Variants in CDK6 observed in about 807,000 individuals in gnomAD.
CDK6 encodes the protein cyclin dependent kinase 6.
In CDK6, 6 loss-of-function variants were observed where a neutral mutation model predicts 37.1. The ratio of observed to expected loss-of-function variants is 0.16; its 90% CI spans 0.09 to 0.32. CDK6 has a LOEUF of 0.32. Ranked by LOEUF, CDK6 falls within the 10% of genes least tolerant of loss-of-function variation. The pLI is 1.00. For missense variants in CDK6, 224 were observed against 418.9 expected, an observed-to-expected ratio of 0.53 and a Z score of 4.06; for synonymous variants, 160 against 161.3, an observed-to-expected ratio of 0.99 and a Z score of 0.06.
intron 4 of CDK6, among the ~76,000 whole-genome samples, chr7:92,717,221 T>C (rs1798248793): frequency 6.6e-6 from 1 of 151,176 alleles, no homozygotes; most frequent in Non-Finnish European, 1.5e-5. Context: ...TGTGAACCTG[T>C]AGTCCTACTA....
At chr7:92,783,209 C>T (rs1800040130) in intron 2 of CDK6, among the ~76,000 whole-genome samples, 2 of 152,118 alleles carry the variant, frequency 1.3e-5, no homozygotes, top group South Asian at 4.2e-4. Flanking sequence ...TAGAAAAGAA[C>T]TCAATGGTAA....
rs1054993536 is a variant in CDK6 at position 92,788,859 on chromosome 7, G to A, written c.234-14028C>T. Among the ~76,000 whole-genome samples, 3 of 152,168 alleles carry A rather than the reference G, an allele frequency of 2.0e-5. No homozygotes were observed. In the South Asian group the frequency reaches 6.2e-4, roughly 32 times the overall value. ...CAGCCAGGCATGGTGGCTCATGCAT[G>A]TAATCTCAACACTTTGGGAGGCCTA... is the stretch of plus-strand genomic sequence containing the variant. On this transcript the variant is annotated intron_variant, in intron 2 of 7. Transcript: ENST00000424848.
chr7:92,819,129 C>A (rs1801106430), intron 2 of CDK6, among the ~76,000 whole-genome samples: 1 of 152,026 alleles, frequency 6.6e-6, no homozygotes, highest in Non-Finnish European at 1.5e-5. Context: ...TTCACAACAG[C>A]CTTATTTATA....
At chr7:92,694,963 A>T (rs1797675128) in intron 4 of CDK6, among the ~76,000 whole-genome samples, 1 of 152,186 alleles carries the variant, frequency 6.6e-6, no homozygotes, top group Non-Finnish European at 1.5e-5. Flanking sequence ...GACTGAAATT[A>T]CTTATAGACA....
At chr7:92,748,454 C>T (rs956695311) in intron 3 of CDK6, among the ~76,000 whole-genome samples, 1 of 152,186 alleles carries the variant, frequency 6.6e-6, no homozygotes, top group Non-Finnish European at 1.5e-5. Flanking sequence ...AGTTGAAAAG[C>T]ACATGGACGT....
chr7:92,825,321 T>C (rs1028447023), intron 2 of CDK6, among the ~76,000 whole-genome samples: 3 of 152,128 alleles, frequency 2.0e-5, no homozygotes, highest in Non-Finnish European at 2.9e-5. Context: ...ATGGCGCATA[T>C]TCTGTCATTT....
intron 5 of CDK6, among the ~76,000 whole-genome samples, chr7:92,666,428 G>A (rs1015113384): frequency 6.6e-6 from 1 of 152,206 alleles, no homozygotes; most frequent in Non-Finnish European, 1.5e-5. Flanking sequence ...TTTCCAACAT[G>A]TGACATATTA....
intron 4 of CDK6, among the ~76,000 whole-genome samples, chr7:92,686,762 C>T (rs1042832958): frequency 1.3e-5 from 2 of 152,052 alleles, no homozygotes; most frequent in African/African-American, 4.8e-5. Context: ...AAAAGTGTTC[C>T]CTTTTCACCA....
At chr7:92,741,670 T>C (rs983876989) in intron 3 of CDK6, among the ~76,000 whole-genome samples, 1 of 152,172 alleles carries the variant, frequency 6.6e-6, no homozygotes, top group Non-Finnish European at 1.5e-5. Flanking sequence ...ACTTTTTAAG[T>C]TAGTAGCCAG....
chr7:92,750,818 G>A (rs1799170640), intron 3 of CDK6, among the ~76,000 whole-genome samples: 1 of 151,922 alleles, frequency 6.6e-6, no homozygotes, highest in Non-Finnish European at 1.5e-5. Context: ...TTCAGTTTTC[G>A]CAATATAAAA....
chr7:92,782,630 T>A (rs1376942552), intron 2 of CDK6, among the ~76,000 whole-genome samples: 1 of 152,260 alleles, frequency 6.6e-6, no homozygotes, highest in Admixed American at 6.5e-5. Flanking sequence ...GAACCTACTA[T>A]GGGATGCAGA....
At chr7:92,831,564 A>C (rs554783747) in intron 2 of CDK6, among the ~76,000 whole-genome samples, 14 of 152,338 alleles carry the variant, frequency 9.2e-5, no homozygotes, top group African/African-American at 2.2e-4. Flanking sequence ...AAAGAGCCCC[A>C]AAAACGGATT....
intron 3 of CDK6, among the ~76,000 whole-genome samples, chr7:92,736,424 C>G (rs941920800): frequency 6.6e-6 from 1 of 152,118 alleles, no homozygotes; most frequent in African/African-American, 2.4e-5. Flanking sequence ...TACCTACATA[C>G]TTCATGTCAG....
At chr7:92,811,629 G>A (rs1047067276) in intron 2 of CDK6, among the ~76,000 whole-genome samples, 1 of 151,830 alleles carries the variant, frequency 6.6e-6, no homozygotes, top group Non-Finnish European at 1.5e-5. Context: ...CCTTGCCCTT[G>A]CAACTACTAC....
chr7:92,817,558 G>C (rs1319600299), intron 2 of CDK6, among the ~76,000 whole-genome samples: 1 of 151,830 alleles, frequency 6.6e-6, no homozygotes, highest in Non-Finnish European at 1.5e-5. Flanking sequence ...TAGGGCAAAA[G>C]TCTGAATAGT....
intron 5 of CDK6, among the ~76,000 whole-genome samples, chr7:92,644,632 A>C (rs1056244172): frequency 3.3e-5 from 5 of 152,244 alleles, no homozygotes; most frequent in South Asian, 4.1e-4. Flanking sequence ...TAATGTGTAC[A>C]GTCTGGGAAG....
At chr7:92,640,767 C>T (rs896311806) in intron 5 of CDK6, among the ~76,000 whole-genome samples, 7 of 152,130 alleles carry the variant, frequency 4.6e-5, no homozygotes, top group African/African-American at 1.7e-4. Flanking sequence ...TTTGGCTCCA[C>T]GTATCAAAGG....
At chr7:92,718,934 C>T (rs140785717) in intron 4 of CDK6, among the ~76,000 whole-genome samples, 36 of 152,334 alleles carry the variant, frequency 2.4e-4, no homozygotes, top group Non-Finnish European at 1.0e-4. Flanking sequence ...TCACTGACAG[C>T]GTCTGCACAT....
At chr7:92,645,603 AAGAG>A (rs1796429471) in intron 5 of CDK6, among the ~76,000 whole-genome samples, 1 of 152,346 alleles carries the variant, frequency 6.6e-6, no homozygotes, top group African/African-American at 2.4e-5. Context: ...GGATTTCCTA[AAGAG>A]GTCTTAGGGT....
Sources: gnomAD v4.1 joint callset for allele counts (sites outside exome capture counted in the v4.1 genomes callset) on GRCh38, gnomAD v4.1.1 for gene constraint, MANE v1.5 for transcripts, NCBI Gene and HGNC (gene_info 2026-07-23, HGNC 2026-07-21) for gene names.